Variants in DCDC1 observed in about 807,000 individuals in gnomAD.
DCDC1 encodes the protein doublecortin domain containing 1.
DCDC1 carries 200 observed loss-of-function variants against 178.3 expected under a neutral mutation model. That is an observed-to-expected ratio of 1.12 (90% CI 1.00 to 1.26). The LOEUF is 1.26. DCDC1 is among the 50% of genes most tolerant of loss of function. The pLI is 0.00. For synonymous variants in DCDC1, 690 were observed against 604.8 expected (o/e 1.14, Z -2.07); for missense variants, 1,983 against 1,749.2 (o/e 1.13, Z -2.38).
At chr11:31,099,193 A>C (rs1012207804) in intron 15 of DCDC1, among the ~76,000 whole-genome samples, 2 of 152,162 alleles carry the variant, frequency 1.3e-5, no homozygotes, top group Non-Finnish European at 2.9e-5. Context: ...GAATTACTTA[A>C]TCGACTATTA....
intron 9 of DCDC1, among the ~76,000 whole-genome samples, chr11:31,145,226 T>C (rs553703232): frequency 3.3e-5 from 5 of 152,260 alleles, no homozygotes; most frequent in Admixed American, 1.3e-4. Flanking sequence ...TCTGTATGCA[T>C]ATGGTGAGAG....
At position 31,158,652 on chromosome 11, in the gene DCDC1, GAGA is replaced by G. The variant is rs374901177; in HGVS notation, c.1222-20871_1222-20869del. 4.9e-4 allele frequency among the ~76,000 whole-genome samples: 75 copies of G among 152,186 alleles called. 1 individual carries two copies. The highest frequency in any genetic ancestry group is 7.2e-4 in the African/African-American group (30 of 41,530). Reference sequence around the variant, plus strand: ...TAGCCTTTCAAATTCAGACAAATTGGAGAAGAAGAACATGAAACACTGAAATGT... The same window carrying G: ...TAGCCTTTCAAATTCAGACAAATTGGAGAAGAACATGAAACACTGAAATGT... On this transcript the variant is annotated intron_variant, in intron 9 of 38. Transcript: ENST00000684477.
intron 9 of DCDC1, among the ~76,000 whole-genome samples, chr11:31,238,121 T>C (rs746223307): frequency 2.6e-5 from 4 of 152,108 alleles, no homozygotes; most frequent in Non-Finnish European, 4.4e-5. Context: ...TGCATTCTTA[T>C]GTAAAAGTCT....
intron 1 of DCDC1, among the ~76,000 whole-genome samples, chr11:31,339,844 C>T (rs1950454346): frequency 1.3e-5 from 2 of 152,056 alleles, no homozygotes; most frequent in Admixed American, 1.3e-4. Context: ...ATCATCCAAA[C>T]TGGGCCTGTC....
chr11:31,075,579 A>G (rs1414817917), intron 18 of DCDC1, among the ~76,000 whole-genome samples: 1 of 152,132 alleles, frequency 6.6e-6, no homozygotes, highest in Non-Finnish European at 1.5e-5. Context: ...TCTTCTTCAT[A>G]ACAGCCATTC....
chr11:31,156,725 TAAGA>T (rs748316161), intron 9 of DCDC1, among the ~76,000 whole-genome samples: 22 of 152,236 alleles, frequency 1.4e-4, no homozygotes, highest in Admixed American at 4.6e-4. Context: ...CATGTATAAA[TAAGA>T]AAGGCAGAAA....
intron 9 of DCDC1, among the ~76,000 whole-genome samples, chr11:31,199,305 G>T (rs1971035247): frequency 2.0e-5 from 3 of 151,880 alleles, no homozygotes; most frequent in Admixed American, 6.6e-5. Context: ...ATAAAAATTT[G>T]CCTCTATAAT....
intron 9 of DCDC1, among the ~76,000 whole-genome samples, chr11:31,138,689 C>A (rs948792234): frequency 6.6e-6 from 1 of 152,178 alleles, no homozygotes; most frequent in Non-Finnish European, 1.5e-5. Context: ...TTGAAGTAAG[C>A]TTTCTCAATT....
At chr11:31,230,520 G>C (rs186023988) in intron 9 of DCDC1, among the ~76,000 whole-genome samples, 10 of 152,256 alleles carry the variant, frequency 6.6e-5, no homozygotes, top group Admixed American at 4.6e-4. Flanking sequence ...TGTCCAGGGT[G>C]CACTCCCATC....
At chr11:31,092,711 G>A (rs887985753) in intron 16 of DCDC1, among the ~76,000 whole-genome samples, 5 of 152,156 alleles carry the variant, frequency 3.3e-5, no homozygotes, top group African/African-American at 4.8e-5. Flanking sequence ...ACCATGAAAT[G>A]AAAGAATATG....
At chr11:30,914,314 G>GT (rs572809154) in intron 27 of DCDC1, among the ~76,000 whole-genome samples, 2 of 152,258 alleles carry the variant, frequency 1.3e-5, no homozygotes, top group South Asian at 4.1e-4. Context: ...AGTGAGCAGA[G>GT]TAAGACCAGC....
intron 9 of DCDC1, among the ~76,000 whole-genome samples, chr11:31,188,094 C>A (rs977065021): frequency 1.4e-4 from 22 of 152,142 alleles, no homozygotes; most frequent in Non-Finnish European, 3.1e-4. Context: ...ATAGCTGGGA[C>A]TATAAGCCTG....
chr11:31,243,038 C>A (rs2136911135), intron 8 of DCDC1, among the ~76,000 whole-genome samples: 1 of 151,744 alleles, frequency 6.6e-6, no homozygotes, highest in East Asian at 1.9e-4. Flanking sequence ...GAAACTAATT[C>A]CTGAAATTCA....
chr11:31,213,088 T>C (rs530273331), intron 9 of DCDC1, among the ~76,000 whole-genome samples: 147 of 146,436 alleles, frequency 1.0e-3, no homozygotes, highest in Non-Finnish European at 1.7e-3. Flanking sequence ...TCATCTTCTA[T>C]ATAAAGCCCA....
rs1421108716 is a variant in DCDC1, at chr11:31,130,908, C to T, written c.1315-3269G>A. On this transcript the variant is annotated intron_variant, in intron 10 of 38. Transcript: ENST00000684477. ...ATAAAGAAAACAAAATTAGGCCGGG[C>T]GCGGTGGCTCACGCCTGTAATCCCA... 7.7e-5 allele frequency among the ~76,000 whole-genome samples: 2 copies of T among 26,060 alleles called. 1 individual carries two copies. Among genetic ancestry groups the T allele is most frequent in the East Asian group, 0.056 (2 of 36 alleles). 17.1% of individuals were successfully genotyped at this position (26,060 alleles called of 152,430 possible). A position where few individuals can be genotyped will look rare whatever the true frequency, so the allele number is the denominator to read the frequency against.
chr11:31,115,521 G>A (rs777380675), intron 11 of DCDC1, among the ~76,000 whole-genome samples: 4 of 152,108 alleles, frequency 2.6e-5, no homozygotes, highest in Non-Finnish European at 5.9e-5. Flanking sequence ...AAGTTGGTTG[G>A]GTGTACTGTA....
At chr11:31,246,122 C>A (rs1400611720) in intron 8 of DCDC1, among the ~76,000 whole-genome samples, 1 of 151,892 alleles carries the variant, frequency 6.6e-6, no homozygotes, top group Admixed American at 6.6e-5. Flanking sequence ...ATATGGAAAG[C>A]TAAAAAGATC....
chr11:31,272,686 T>C (rs1945657271), intron 7 of DCDC1, among the ~76,000 whole-genome samples: 2 of 152,194 alleles, frequency 1.3e-5, no homozygotes, highest in African/African-American at 4.8e-5. Context: ...TGACTCCATG[T>C]CTCACATACA....
At chr11:31,078,679 C>G (rs1957001142) in intron 17 of DCDC1, among the ~76,000 whole-genome samples, 2 of 152,132 alleles carry the variant, frequency 1.3e-5, no homozygotes, top group Admixed American at 1.3e-4. Context: ...TAGTTCAGTA[C>G]ACATTAGTCT....
Sources: allele counts gnomAD v4.1 joint callset (sites outside exome capture counted in the v4.1 genomes callset), GRCh38; gene constraint gnomAD v4.1.1; transcripts MANE v1.5; gene names NCBI Gene and HGNC (gene_info 2026-07-23, HGNC 2026-07-21).